Variants in ETNK1 observed in about 807,000 individuals in gnomAD.
The protein encoded by ETNK1 is putative protein product of Nbla10396.
A neutral mutation model predicts 45.1 loss-of-function variants in ETNK1; 8 were observed. The observed-to-expected ratio is 0.18, with a 90% CI of 0.10 to 0.32. ETNK1 has a LOEUF of 0.32. Among genes scored for constraint, ETNK1 ranks in the 10% least tolerant of loss-of-function variants. ETNK1 has a pLI of 1.00. For synonymous variants in ETNK1, 152 were observed against 151.9 expected, an observed-to-expected ratio of 1.00 and a Z score of -0.01; for missense variants, 302 against 430.6, an observed-to-expected ratio of 0.70 and a Z score of 2.64.
intron 3 of ETNK1, 36 bp from the exon 4 acceptor site, chr12:22,661,027 T>C (rs1953993708): frequency 6.4e-7 from 1 of 1,569,428 alleles, no homozygotes; most frequent in Admixed American, 2.1e-5. Flanking sequence ...GAAAAAAATG[T>C]CACACAAGAT....
At chr12:22,654,160 T>G (rs1220234797) in intron 2 of ETNK1, among the ~76,000 whole-genome samples, 3 of 152,216 alleles carry the variant, frequency 2.0e-5, no homozygotes, top group African/African-American at 7.2e-5. Context: ...AGCAAGAAGG[T>G]GCCATCTGTA....
At position 22,690,037 on chromosome 12, in the gene ETNK1, T is replaced by C. The variant is rs1256695244; in HGVS notation, c.*5083T>C. 6.6e-6 allele frequency: 1 copy of C among 152,498 alleles called. No homozygotes were observed. The highest frequency in any genetic ancestry group is 2.4e-5 in the African/African-American group (1 of 41,424). 9.4% of individuals were successfully genotyped at this position (152,498 alleles called of 1,614,324 possible). A position where few individuals can be genotyped will look rare whatever the true frequency, so the allele number is the denominator to read the frequency against. On this transcript the variant is annotated 3_prime_UTR_variant, in exon 8 of 8. Coordinates refer to ENST00000266517, the MANE Select transcript of ETNK1 (RefSeq NM_018638.5). ...ATGTGCTTAAATGATAATTTCCTTA[T>C]TCAGTTTCAGAAGAAAAAGAATGAA...
intron 1 of ETNK1, among the ~76,000 whole-genome samples, chr12:22,633,985 GA>G (rs1415159542): frequency 8.6e-5 from 13 of 151,860 alleles, no homozygotes; most frequent in Non-Finnish European, 1.6e-4. Context: ...TAACACACTT[GA>G]AAAAGAAGAT....
chr12:22,658,223 A>T (rs1031596231), intron 2 of ETNK1, among the ~76,000 whole-genome samples: 1 of 152,172 alleles, frequency 6.6e-6, no homozygotes, highest in Non-Finnish European at 1.5e-5. Flanking sequence ...GATCCAATGG[A>T]GAGAACAGAG....
At chr12:22,653,409 T>C (rs1359127802) in intron 2 of ETNK1, among the ~76,000 whole-genome samples, 1 of 152,158 alleles carries the variant, frequency 6.6e-6, no homozygotes, top group Non-Finnish European at 1.5e-5. Context: ...TTTGGGATTT[T>C]GGTAGGGATT....
At chr12:22,644,248 A>G in intron 2 of ETNK1, 1 of 1,608,736 alleles carries the variant, frequency 6.2e-7, no homozygotes. Flanking sequence ...AAAAACTACA[A>G]GATGTTTTGG....
intron 2 of ETNK1, among the ~76,000 whole-genome samples, chr12:22,652,838 T>C (rs959896729): frequency 6.6e-6 from 1 of 152,206 alleles, no homozygotes; most frequent in African/African-American, 2.4e-5. Context: ...TTTTTAATTT[T>C]GATGCGGTAG....
At chr12:22,653,098 GTTC>G (rs1288651591) in intron 2 of ETNK1, among the ~76,000 whole-genome samples, 1 of 151,946 alleles carries the variant, frequency 6.6e-6, no homozygotes, top group Non-Finnish European at 1.5e-5. Context: ...TTTCCTCATT[GTTC>G]TTCTTTTCCC....
chr12:22,641,986 A>ATGTCTGTTT (rs1953745699), intron 1 of ETNK1, among the ~76,000 whole-genome samples: 2 of 152,126 alleles, frequency 1.3e-5, no homozygotes, highest in East Asian at 3.9e-4. Context: ...TGTACAAATA[A>ATGTCTGTTT]ATGTATAATA....
At chr12:22,647,654 A>G (rs1016249820) in intron 2 of ETNK1, among the ~76,000 whole-genome samples, 4 of 152,010 alleles carry the variant, frequency 2.6e-5, no homozygotes, top group Non-Finnish European at 4.4e-5. Flanking sequence ...TTGCTCATGC[A>G]AAAACTCAAA....
chr12:22,672,315 C>T lies in ETNK1; in HGVS notation c.784+960C>T, dbSNP rs572772980. Among the ~76,000 whole-genome samples, 5 of 152,072 alleles carry T rather than the reference C, an allele frequency of 3.3e-5. No individual in the cohort carries two copies. The East Asian group carries it at 9.6e-4, about 29-fold the overall frequency. On this transcript the variant is annotated intron_variant, in intron 5 of 7. Transcript: ENST00000266517. ...AAAAACTAAAGATTAGAACATACCC[C>T]AGAATGGTTTATACCTAGTAGGAAT... is the stretch of plus-strand genomic sequence containing the variant.
intron 2 of ETNK1, 158 bp downstream of exon 2, chr12:22,644,180 AAGAT>A (rs1266783105): frequency 6.4e-7 from 1 of 1,553,080 alleles, no homozygotes; most frequent in Non-Finnish European, 8.7e-7. Flanking sequence ...TTTCCCTAAA[AAGAT>A]AGAAGTAAAT....
intron 2 of ETNK1, among the ~76,000 whole-genome samples, chr12:22,649,709 C>G (rs1393758843): frequency 1.3e-5 from 2 of 151,946 alleles, no homozygotes; most frequent in African/African-American, 4.8e-5. Flanking sequence ...TTTTGCTTCT[C>G]CTTATAAACT....
rs1414603754 is a variant in ETNK1 at position 22,685,624 on chromosome 12, A to G, written c.*670A>G. ...CTGTTTCTCTATGTAGTCTGGCAGT[A>G]TAAATATAAATATTTACCATATAAT... On this transcript the variant is annotated 3_prime_UTR_variant, in exon 8 of 8. Coordinates refer to ENST00000266517, the MANE Select transcript of ETNK1 (RefSeq NM_018638.5). 6.6e-6 allele frequency: 1 copy of G among 151,880 alleles called. No individual in the cohort carries two copies. Among genetic ancestry groups the G allele is most frequent in the East Asian group, 1.9e-4 (1 of 5,200 alleles). The allele number at this position is 151,880 out of a possible 1,614,324, so 9.4% of individuals were successfully genotyped here. A position where few individuals can be genotyped will look rare whatever the true frequency, so the allele number is the denominator to read the frequency against.
intron 5 of ETNK1, among the ~76,000 whole-genome samples, chr12:22,671,941 C>T (rs897725280): frequency 2.0e-5 from 3 of 151,158 alleles, no homozygotes; most frequent in African/African-American, 7.3e-5. Flanking sequence ...TAAATCTTAC[C>T]TCATTTTTTT....
At chr12:22,657,798 TA>T (rs1037016774) in intron 2 of ETNK1, among the ~76,000 whole-genome samples, 2 of 152,116 alleles carry the variant, frequency 1.3e-5, no homozygotes, top group African/African-American at 4.8e-5. Flanking sequence ...AGCTCTGTAG[TA>T]ATGACATGAA....
In ETNK1 at chr12:22,625,512, C is replaced by A; in HGVS notation, c.82C>A (p.Arg28Ser). The part of the protein sequence containing the change: ...NVTVQDQEEH[R>S]CREGALSLLQ... The stretch of plus-strand genomic sequence containing the variant: ...CACCGTTCAGGATCAGGAGGAGCAT[C>A]GCTGCCGGGAGGGGGCCCTGAGCCT... The change falls in exon 1 of 8, where the codon CGC becomes AGC. Residue 28 changes from arginine (R) to serine (S), a missense_variant. Transcript: ENST00000266517. The A allele has an allele frequency of 6.2e-7, 1 of 1,606,414 alleles. No homozygotes were observed. Among genetic ancestry groups the A allele is most frequent in the Non-Finnish European group, 8.5e-7 (1 of 1,177,030 alleles).
Position 22,680,895 on chromosome 12 carries a change from C to A in ETNK1, c.946-3588C>A, listed in dbSNP as rs553084991. On this transcript the variant is annotated intron_variant, in intron 6 of 7. Transcript: ENST00000266517. Reference sequence around the variant, plus strand: ...TGGCTTTGTGGAGCTTTTCTTCCCCCGCCCCCCCCTCCATTATATGCACAC... The same window carrying A: ...TGGCTTTGTGGAGCTTTTCTTCCCCAGCCCCCCCCTCCATTATATGCACAC... 4.6e-3 allele frequency among the ~76,000 whole-genome samples: 291 copies of A among 63,604 alleles called. 12 individuals are homozygous for A. The highest frequency in any genetic ancestry group is 0.016 in the African/African-American group (273 of 16,574). The allele number at this position is 63,604 out of a possible 152,430, so 41.7% of individuals were successfully genotyped here. A position where few individuals can be genotyped will look rare whatever the true frequency, so the allele number is the denominator to read the frequency against.
At chr12:22,656,708 T>C (rs1953945747) in intron 2 of ETNK1, 1 of 985,206 alleles carries the variant, frequency 1.0e-6, no homozygotes, top group Admixed American at 6.2e-5. Flanking sequence ...TTACGTTTTG[T>C]AAGAGACCCC....
Sources: gnomAD v4.1 joint callset for allele counts (sites outside exome capture counted in the v4.1 genomes callset) on GRCh38, gnomAD v4.1.1 for gene constraint, MANE v1.5 for transcripts, NCBI Gene and HGNC (gene_info 2026-07-23, HGNC 2026-07-21) for gene names.